The following EPHB1 variants were observed in gnomAD, a reference collection of about 807,000 sequenced individuals.
EPHB1 encodes ephrin type-B receptor 1.
In EPHB1, 30 loss-of-function variants were observed where a neutral mutation model predicts 94.4. The observed-to-expected ratio is 0.32, with a 90% CI of 0.24 to 0.43. The LOEUF is 0.43. EPHB1 is among the 20% of genes least tolerant of loss of function. The pLI, the probability that EPHB1 is intolerant of heterozygous loss-of-function variation, is 1.00. For synonymous variants in EPHB1, 522 were observed against 489.1 expected (o/e 1.07, Z -0.89); for missense variants, 1,055 against 1,308.3 (o/e 0.81, Z 2.99).
intron 3 of EPHB1, among the ~76,000 whole-genome samples, chr3:135,004,019 T>C (rs921788316): frequency 1.3e-5 from 2 of 152,054 alleles, no homozygotes; most frequent in Non-Finnish European, 1.5e-5. Context: ...AGCTGGTTAT[T>C]TTGCTTGTTA....
At chr3:135,252,281 T>C (rs376812265) in intron 15 of EPHB1, among the ~76,000 whole-genome samples, 1 of 151,418 alleles carries the variant, frequency 6.6e-6, no homozygotes, top group African/African-American at 2.4e-5. Context: ...TAGTTACATA[T>C]GTATACATGT....
At chr3:135,183,031 TTTCTTTCTTTCTTTC>T (rs1284806825) in intron 10 of EPHB1, among the ~76,000 whole-genome samples, 6 of 68,932 alleles carry the variant, frequency 8.7e-5, no homozygotes, top group African/African-American at 2.8e-4. Context: ...TTTTCTTTTC[TTTCTTTCTTTCTTTC>T]TTTCTTTCTT....
At chr3:135,027,795 A>AGGGAGGATTCCCTCTTTTTCT (rs1553723805) in intron 3 of EPHB1, among the ~76,000 whole-genome samples, 12 of 129,634 alleles carry the variant, frequency 9.3e-5, no homozygotes, top group South Asian at 2.8e-4. Context: ...TTTCAGAAGG[A>AGGGAGGATTCCCTCTTTTTCT]ATGGTACCAG....
At chr3:135,252,485 G>C (rs1016372492) in intron 15 of EPHB1, among the ~76,000 whole-genome samples, 1 of 148,766 alleles carries the variant, frequency 6.7e-6, no homozygotes, top group African/African-American at 2.5e-5. Context: ...TTGTTCTCCC[G>C]ATAGTTTACT....
chr3:134,854,694 C>T (rs2037073914), intron 1 of EPHB1, among the ~76,000 whole-genome samples: 1 of 152,154 alleles, frequency 6.6e-6, no homozygotes, highest in South Asian at 2.1e-4. Flanking sequence ...AGGTTTTCCT[C>T]ATCCATTGAC....
In EPHB1 at chr3:135,057,578, C is replaced by T. The variant is rs372787071; in HGVS notation, c.806-48870C>T. 1.5e-4 allele frequency among the ~76,000 whole-genome samples: 23 copies of T among 152,248 alleles called. No individual in the cohort carries two copies. In the East Asian group the frequency reaches 3.5e-3, roughly 23 times the overall value. On this transcript the variant is annotated intron_variant, in intron 3 of 15. Transcript: ENST00000398015. ...AGTCTGGGTTCTGGCTCCCTTGCCC[C>T]GCTCCTCAGAGGGGTCCTGTCCCTT...
intron 3 of EPHB1, among the ~76,000 whole-genome samples, chr3:135,092,303 T>A (rs1938583293): frequency 6.6e-6 from 1 of 152,172 alleles, no homozygotes; most frequent in Admixed American, 6.5e-5. Context: ...GTGACCAAAG[T>A]GATGGGACCC....
intron 4 of EPHB1, among the ~76,000 whole-genome samples, chr3:135,110,447 C>A (rs1013812563): frequency 2.0e-5 from 3 of 152,166 alleles, no homozygotes; most frequent in Non-Finnish European, 4.4e-5. Context: ...CACTGAGAGG[C>A]AGGGAAGCTT....
At chr3:134,996,811 A>G (rs1935010556) in intron 3 of EPHB1, among the ~76,000 whole-genome samples, 1 of 151,970 alleles carries the variant, frequency 6.6e-6, no homozygotes, top group Admixed American at 6.6e-5. Context: ...GCCTGTTCAT[A>G]TTCTTTACCC....
intron 1 of EPHB1, among the ~76,000 whole-genome samples, chr3:134,817,421 T>C (rs919814304): frequency 1.3e-5 from 2 of 152,172 alleles, no homozygotes; most frequent in African/African-American, 4.8e-5. Flanking sequence ...GCTGAGGCCA[T>C]GTGGAGGGCT....
chr3:134,987,274 G>A lies in EPHB1; in HGVS notation c.805+35222G>A, dbSNP rs577649416. Among the ~76,000 whole-genome samples, 102 of 152,260 alleles carry A rather than the reference G, an allele frequency of 6.7e-4. 2 individuals carry two copies. The South Asian group carries it at 0.021, about 31-fold the overall frequency. On this transcript the variant is annotated intron_variant, in intron 3 of 15. Coordinates refer to ENST00000398015, the MANE Select transcript of EPHB1 (RefSeq NM_004441.5). ...TCACAGCTGTCATGGACTGAATTACGTCCCCTTAAAATTCCTGTGTTGGGC... is the reference window on the plus strand; with the variant it reads ...TCACAGCTGTCATGGACTGAATTACATCCCCTTAAAATTCCTGTGTTGGGC...
chr3:134,948,221 G>C (rs565274290), intron 2 of EPHB1, among the ~76,000 whole-genome samples: 1 of 152,102 alleles, frequency 6.6e-6, no homozygotes, highest in Non-Finnish European at 1.5e-5. Flanking sequence ...ACTCTAAATG[G>C]GGTCACATGC....
intron 3 of EPHB1, among the ~76,000 whole-genome samples, chr3:135,095,055 TC>T (rs1215645627): frequency 8.5e-5 from 13 of 152,284 alleles, no homozygotes; most frequent in Non-Finnish European, 1.5e-4. Flanking sequence ...TCAGTCCTAG[TC>T]TCTGAGTGAG....
Position 135,178,222 on chromosome 3 carries a change from G to GGA in EPHB1, c.1760-1636_1760-1635dup, listed in dbSNP as rs1365799241. 3.3e-5 allele frequency among the ~76,000 whole-genome samples: 4 copies of GGA among 122,410 alleles called. No individual in the cohort carries two copies. In the East Asian group the frequency reaches 1.4e-3, roughly 43 times the overall value. 80.3% of individuals were successfully genotyped at this position (122,410 alleles called of 152,430 possible). A position where few individuals can be genotyped will look rare whatever the true frequency, so the allele number is the denominator to read the frequency against. ...TAATCCCAGCACTTTGGGAGGCCGG[G>GGA]GAGGGGGGGTGGATCATGAGGTCGG... On this transcript the variant is annotated intron_variant, in intron 9 of 15. Transcript: ENST00000398015.
chr3:134,935,285 A>G (rs1363218620), intron 2 of EPHB1, among the ~76,000 whole-genome samples: 2 of 152,174 alleles, frequency 1.3e-5, no homozygotes, highest in Non-Finnish European at 2.9e-5. Flanking sequence ...TGAGGATAAG[A>G]CGAACAGGAG....
chr3:134,966,182 A>T (rs540243069), intron 3 of EPHB1, among the ~76,000 whole-genome samples: 8 of 152,250 alleles, frequency 5.3e-5, no homozygotes, highest in East Asian at 1.9e-4. Context: ...GAATACAAAA[A>T]TTTTTTAAAA....
At chr3:135,036,310 G>T (rs967147833) in intron 3 of EPHB1, among the ~76,000 whole-genome samples, 16 of 152,204 alleles carry the variant, frequency 1.1e-4, no homozygotes, top group Non-Finnish European at 1.6e-4. Flanking sequence ...CCAAGCAGCT[G>T]GGGGTTGCTT....
chr3:135,218,809 A>G (rs189894357), intron 12 of EPHB1, among the ~76,000 whole-genome samples: 98 of 152,372 alleles, frequency 6.4e-4, no homozygotes, highest in Admixed American at 3.3e-3. Flanking sequence ...TAATTATATA[A>G]TTGCAATTGT....
At chr3:134,831,602 A>C (rs758012609) in intron 1 of EPHB1, among the ~76,000 whole-genome samples, 39 of 152,140 alleles carry the variant, frequency 2.6e-4, no homozygotes, top group Non-Finnish European at 3.2e-4. Context: ...CATGTCCTCA[A>C]AGACCTTTTC....
Sources: allele counts gnomAD v4.1 joint callset (sites outside exome capture counted in the v4.1 genomes callset), GRCh38; gene constraint gnomAD v4.1.1; transcripts MANE v1.5; gene names NCBI Gene and HGNC (gene_info 2026-07-23, HGNC 2026-07-21).